SHROOM4: variants seen among roughly 807,000 people sequenced by gnomAD.
The protein encoded by SHROOM4 is protein Shroom4.
A neutral mutation model predicts 80.3 loss-of-function variants in SHROOM4; 17 were observed. That is an observed-to-expected ratio of 0.21 (90% confidence interval 0.14 to 0.32). The LOEUF (loss-of-function observed/expected upper bound fraction) is 0.32. Ranked by LOEUF, SHROOM4 falls within the 10% of genes least tolerant of loss-of-function variation. The probability of loss-of-function intolerance (pLI) is 1.00; values close to 1 mark genes in which losing one functional copy is unlikely to be tolerated. For missense variants in SHROOM4, 993 were observed against 1,140.3 expected (o/e 0.87, Z 1.86); for synonymous variants, 400 against 437.5 (o/e 0.91, Z 1.07).
rs1463016450 is a variant in SHROOM4 at position 50,602,620 on chromosome X, C to A, written c.3942+13G>T. 8.3e-7 allele frequency: 1 copy of A among 1,210,042 alleles called. No homozygotes were observed. Among genetic ancestry groups the A allele is most frequent in the Non-Finnish European group, 1.1e-6 (1 of 894,258 alleles). On this transcript the variant is annotated intron_variant, in intron 7 of 8. Transcript: ENST00000376020. ...AATTCTGAAAATCTCTAGGACACATCAAAAAACTTTACCTTTTTTTGAGCC... is the reference window on the plus strand; with the variant it reads ...AATTCTGAAAATCTCTAGGACACATAAAAAAACTTTACCTTTTTTTGAGCC...
At chrX:50,668,888 A>G (rs1932760736) in intron 2 of SHROOM4, among the ~76,000 whole-genome samples, 1 of 113,054 alleles carries the variant, frequency 8.8e-6, no homozygotes, top group Non-Finnish European at 1.9e-5. Context: ...TTGATTCCAG[A>G]CCACTGCAAT....
intron 1 of SHROOM4, among the ~76,000 whole-genome samples, chrX:50,789,133 G>T (rs1160004580): frequency 3.6e-5 from 4 of 111,812 alleles, no homozygotes; most frequent in Non-Finnish European, 7.5e-5. Context: ...AGGAAACAGT[G>T]AACTTGAACA....
intron 4 of SHROOM4, among the ~76,000 whole-genome samples, chrX:50,632,066 C>T (rs1425021840): frequency 2.7e-5 from 3 of 111,639 alleles, no homozygotes; most frequent in Non-Finnish European, 5.6e-5. Flanking sequence ...CTGACAGGTA[C>T]ATATGTTTAA....
At chrX:50,577,740 A>G in the SHROOM4 span, among the ~76,000 whole-genome samples, 2 of 111,836 alleles carry the variant, frequency 1.8e-5, no homozygotes, top group East Asian at 5.6e-4. Context: ...TTACCAGTGT[A>G]TGGAGGGTGT....
chrX:50,677,966 A>G (rs1368931008), intron 2 of SHROOM4, among the ~76,000 whole-genome samples: 1 of 111,584 alleles, frequency 9.0e-6, no homozygotes, highest in East Asian at 2.8e-4. Context: ...AGTCATTCAA[A>G]AGGGGAAAAA....
chrX:50,678,799 C>T (rs1475674184), intron 2 of SHROOM4, among the ~76,000 whole-genome samples: 1 of 110,951 alleles, frequency 9.0e-6, no homozygotes, highest in Non-Finnish European at 1.9e-5. Context: ...GTGAATCTGA[C>T]ATGTTCTCTC....
intron 5 of SHROOM4, among the ~76,000 whole-genome samples, chrX:50,624,821 G>A (rs183883375): frequency 5.8e-4 from 64 of 110,080 alleles, no homozygotes; most frequent in African/African-American, 1.6e-3. Context: ...TAGTCACCAA[G>A]TTTTCTCTAC....
intron 1 of SHROOM4, among the ~76,000 whole-genome samples, chrX:50,721,099 C>T (rs1557265387): frequency 2.7e-5 from 3 of 110,933 alleles, no homozygotes; most frequent in African/African-American, 6.6e-5. Flanking sequence ...GCAGGGACAC[C>T]GAGCCAGGAA....
chrX:50,720,797 G>T (rs1557265362), intron 1 of SHROOM4, among the ~76,000 whole-genome samples: 1 of 111,624 alleles, frequency 9.0e-6, no homozygotes, highest in African/African-American at 3.3e-5. Flanking sequence ...AAGATGGAAA[G>T]CGCATTCATT....
intron 2 of SHROOM4, among the ~76,000 whole-genome samples, chrX:50,646,834 A>G (rs1931859666): frequency 9.1e-6 from 1 of 110,076 alleles, no homozygotes; most frequent in African/African-American, 3.3e-5. Flanking sequence ...AGGGAATAAG[A>G]AAAGAAGGGA....
At chrX:50,633,085 G>T in intron 4 of SHROOM4, 93 bp downstream of exon 4, 1 of 886,668 alleles carries the variant, frequency 1.1e-6, no homozygotes, top group Non-Finnish European at 1.6e-6. Context: ...CAGTTTCAAG[G>T]AATTATAATT....
At chrX:50,610,583 T>G (rs1929925292) in intron 5 of SHROOM4, among the ~76,000 whole-genome samples, 1 of 111,974 alleles carries the variant, frequency 8.9e-6, no homozygotes, top group Admixed American at 9.5e-5. Context: ...CTCCAATCTC[T>G]AACTAAAATG....
intron 1 of SHROOM4, among the ~76,000 whole-genome samples, chrX:50,747,430 A>G (rs1216987797): frequency 8.9e-6 from 1 of 112,099 alleles, no homozygotes; most frequent in Non-Finnish European, 1.9e-5. Flanking sequence ...TGTGACTTTG[A>G]CTGTTTACAT....
rs186851286 is a variant in SHROOM4, at chrX:50,660,482, T to C, written c.270-22174A>G. On this transcript the variant is annotated intron_variant, in intron 2 of 8. Transcript: ENST00000376020. The stretch of plus-strand genomic sequence containing the variant: ...ACATCTTATTGCTTAAATTAATCTA[T>C]ACTGCTTTAATTGTAAGTGTTGAGC... Among the ~76,000 whole-genome samples the C allele has an allele frequency of 2.2e-4, 24 of 108,961 alleles. No homozygotes were observed. In the East Asian group the frequency reaches 6.7e-3, roughly 30 times the overall value. The allele number at this position is 108,961 out of a possible 115,157, so 94.6% of individuals were successfully genotyped here. A position where few individuals can be genotyped will look rare whatever the true frequency, so the allele number is the denominator to read the frequency against.
chrX:50,621,978 C>T lies in SHROOM4; in HGVS notation c.2957+5636G>A, dbSNP rs140168188. ...TGTATAATCCCAGTAGTAATGGGCT[C>T]TGAAGTCAGATGCCTGTTTGACCTT... On this transcript the variant is annotated intron_variant, in intron 5 of 8. Coordinates refer to ENST00000376020, the MANE Select transcript of SHROOM4 (RefSeq NM_020717.5). Among the ~76,000 whole-genome samples, 845 of 112,000 alleles carry T rather than the reference C, an allele frequency of 7.5e-3. 8 individuals are homozygous for T. The highest frequency in any genetic ancestry group is 0.01 in the Non-Finnish European group (545 of 53,224).
intron 2 of SHROOM4, among the ~76,000 whole-genome samples, chrX:50,641,941 G>A (rs781997318): frequency 8.9e-6 from 1 of 112,437 alleles, no homozygotes; most frequent in East Asian, 2.8e-4. Context: ...GGTTTCTCCA[G>A]GAGTAGGAAC....
chrX:50,724,830 T>A (rs1934210107), intron 1 of SHROOM4, among the ~76,000 whole-genome samples: 1 of 111,855 alleles, frequency 8.9e-6, no homozygotes, highest in African/African-American at 3.3e-5. Flanking sequence ...GTTTCTAATT[T>A]TGATTAAGTC....
At chrX:50,694,183 T>C (rs975205791) in intron 2 of SHROOM4, among the ~76,000 whole-genome samples, 1 of 111,356 alleles carries the variant, frequency 9.0e-6, no homozygotes, top group African/African-American at 3.3e-5. Flanking sequence ...GGGGTGCAGA[T>C]ATCTCTTTTA....
chrX:50,678,196 C>T (rs1433410500), intron 2 of SHROOM4, among the ~76,000 whole-genome samples: 1 of 111,366 alleles, frequency 9.0e-6, no homozygotes, highest in East Asian at 2.8e-4. Context: ...GCCCACGCTC[C>T]AGTAATTTTT....
Sources: gnomAD v4.1 joint callset for allele counts (sites outside exome capture counted in the v4.1 genomes callset) on GRCh38, gnomAD v4.1.1 for gene constraint, MANE v1.5 for transcripts, NCBI Gene and HGNC (gene_info 2026-07-23, HGNC 2026-07-21) for gene names.